The following EIF4E variants were observed in gnomAD, a reference collection of about 807,000 sequenced individuals.
The protein encoded by EIF4E is eukaryotic translation initiation factor 4E.
For missense variants in EIF4E, 113 were observed against 265.6 expected (o/e 0.43, Z 3.99); for synonymous variants, 71 against 88.5 (o/e 0.80, Z 1.11).
chr4:98,902,394 G>A (rs995317036), intron 1 of EIF4E, among the ~76,000 whole-genome samples: 2 of 152,022 alleles, frequency 1.3e-5, no homozygotes, highest in Non-Finnish European at 1.5e-5. Context: ...TAAGAAGAAG[G>A]AATTAAAGCA....
At chr4:98,901,451 C>T (rs1046569472) in intron 2 of EIF4E, among the ~76,000 whole-genome samples, 1 of 151,904 alleles carries the variant, frequency 6.6e-6, no homozygotes, top group East Asian at 1.9e-4. Context: ...CGCCCGCCTC[C>T]GCCTCCGCCT....
chr4:98,901,457 C>T (rs1284064247), intron 2 of EIF4E, among the ~76,000 whole-genome samples: 1 of 152,084 alleles, frequency 6.6e-6, no homozygotes, highest in Non-Finnish European at 1.5e-5. Flanking sequence ...CCTCCGCCTC[C>T]GCCTCCGCCT....
At chr4:98,921,001 T>C (rs1410909728) in intron 1 of EIF4E, among the ~76,000 whole-genome samples, 1 of 152,200 alleles carries the variant, frequency 6.6e-6, no homozygotes, top group Admixed American at 6.5e-5. Context: ...CTCTCACTTA[T>C]GTTAATTATG....
chr4:98,915,565 G>C (rs1031298650), intron 1 of EIF4E, among the ~76,000 whole-genome samples: 3 of 144,526 alleles, frequency 2.1e-5, no homozygotes, highest in Non-Finnish European at 3.0e-5. Flanking sequence ...TTTTGAGACA[G>C]AGTCTTGCTC....
chr4:98,886,658 G>A (rs1214305799), intron 5 of EIF4E: 10 of 342,364 alleles, frequency 2.9e-5, no homozygotes, highest in South Asian at 1.4e-4. Context: ...AGGCTGAAAT[G>A]AGCCATATAA....
At chr4:98,905,406 T>G (rs1186303244) in intron 1 of EIF4E, among the ~76,000 whole-genome samples, 1 of 152,184 alleles carries the variant, frequency 6.6e-6, no homozygotes, top group Admixed American at 6.5e-5. Context: ...TAACGAATTT[T>G]AGGTGGGTAG....
rs1015042329 is a variant in EIF4E at position 98,888,084 on chromosome 4, G to T, written c.222-132C>A. 6.4e-6 allele frequency: 5 copies of T among 775,756 alleles called. No individual in the cohort carries two copies. The African/African-American group carries it at 7.1e-5, about 11-fold the overall frequency. 48.1% of individuals were successfully genotyped at this position (775,756 alleles called of 1,614,324 possible). ...GTTCATGTTTACTTGTTTCTAAGGAGTCAATTTCTAAAATGGACAAAACAG... is the reference window on the plus strand; with the variant it reads ...GTTCATGTTTACTTGTTTCTAAGGATTCAATTTCTAAAATGGACAAAACAG... On this transcript the variant is annotated intron_variant, in intron 3 of 6. Coordinates refer to ENST00000450253, the MANE Select transcript of EIF4E (RefSeq NM_001968.5).
At chr4:98,890,625 C>A (rs1245113482) in intron 3 of EIF4E, among the ~76,000 whole-genome samples, 1 of 152,170 alleles carries the variant, frequency 6.6e-6, no homozygotes, top group African/African-American at 2.4e-5. Flanking sequence ...TCACTGAGCC[C>A]AGCCTTAAAT....
intron 1 of EIF4E, among the ~76,000 whole-genome samples, chr4:98,912,610 G>A (rs181291253): frequency 2.6e-5 from 4 of 151,490 alleles, no homozygotes; most frequent in East Asian, 1.9e-4. Flanking sequence ...ATTTACATAC[G>A]TTGAACATTA....
intron 2 of EIF4E, among the ~76,000 whole-genome samples, chr4:98,899,296 TA>T (rs1724550872): frequency 6.6e-6 from 1 of 152,162 alleles, no homozygotes; most frequent in Admixed American, 6.5e-5. Flanking sequence ...TGTCCTCAGA[TA>T]AAAACCACAA....
At chr4:98,911,431 G>A (rs754009512) in intron 1 of EIF4E, among the ~76,000 whole-genome samples, 12 of 149,196 alleles carry the variant, frequency 8.0e-5, no homozygotes, top group South Asian at 4.2e-4. Context: ...AGGCCGAGGC[G>A]GGTGGAGCAT....
At chr4:98,918,379 A>G (rs1281025492) in intron 1 of EIF4E, among the ~76,000 whole-genome samples, 1 of 151,624 alleles carries the variant, frequency 6.6e-6, no homozygotes, top group African/African-American at 2.4e-5. Flanking sequence ...AAAAAAAGAA[A>G]GAAAAAAAAA....
At chr4:98,905,326 G>A (rs527464326) in intron 1 of EIF4E, among the ~76,000 whole-genome samples, 204 of 152,134 alleles carry the variant, frequency 1.3e-3, no homozygotes, top group Non-Finnish European at 2.1e-3. Flanking sequence ...AGCAGATTAT[G>A]GCTAATCTCA....
intron 1 of EIF4E, among the ~76,000 whole-genome samples, chr4:98,919,690 C>T (rs1454452528): frequency 1.3e-5 from 2 of 151,720 alleles, no homozygotes; most frequent in Non-Finnish European, 2.9e-5. Context: ...TCCCGAGTAG[C>T]TGGGACTACA....
chr4:98,921,518 G>A (rs763632041), intron 1 of EIF4E, among the ~76,000 whole-genome samples: 9 of 151,780 alleles, frequency 5.9e-5, no homozygotes, highest in Admixed American at 3.3e-4. Flanking sequence ...ACAGGCACCC[G>A]TGACCACGCT....
At chr4:98,928,255 A>G (rs1425413425) in intron 1 of EIF4E, among the ~76,000 whole-genome samples, 1 of 151,932 alleles carries the variant, frequency 6.6e-6, no homozygotes, top group Non-Finnish European at 1.5e-5. Context: ...GACCGGCTAC[A>G]GCGATCTGTA....
intron 6 of EIF4E, 61 bp from the exon 7 acceptor site, chr4:98,881,203 A>G: frequency 6.4e-7 from 1 of 1,568,388 alleles, no homozygotes; most frequent in South Asian, 1.2e-5. Context: ...CACAAGAAAT[A>G]CATTTAAAAA....
At chr4:98,886,435 C>A in intron 5 of EIF4E, 1 of 439,858 alleles carries the variant, frequency 2.3e-6, no homozygotes, top group Non-Finnish European at 4.6e-6. Flanking sequence ...TTTAGTGGGA[C>A]AGGCACAGTG....
intron 1 of EIF4E, among the ~76,000 whole-genome samples, chr4:98,927,464 T>C (rs1375752521): frequency 6.7e-6 from 1 of 148,400 alleles, no homozygotes; most frequent in Admixed American, 6.7e-5. Context: ...CAGACCAGCC[T>C]GGCCAACATG....
Sources: allele counts gnomAD v4.1 joint callset (sites outside exome capture counted in the v4.1 genomes callset), GRCh38; gene constraint gnomAD v4.1.1; transcripts MANE v1.5; gene names NCBI Gene and HGNC (gene_info 2026-07-23, HGNC 2026-07-21).